Variants in PIGK observed in about 807,000 individuals in gnomAD.
The protein encoded by PIGK is GPI-anchor transamidase.
In PIGK, 42 loss-of-function variants were observed where a neutral mutation model predicts 50.6. The ratio of observed to expected loss-of-function variants is 0.83; its 90% CI spans 0.65 to 1.07. The LOEUF is 1.07. PIGK is among the 50% of genes least tolerant of loss of function. The probability of loss-of-function intolerance (pLI) is 0.00; values close to 1 mark genes in which losing one functional copy is unlikely to be tolerated. For synonymous variants in PIGK, 151 were observed against 156.0 expected (o/e 0.97, Z 0.24); for missense variants, 448 against 488.7 (o/e 0.92, Z 0.78).
chr1:77,176,926 TAAC>T (rs1557815011), intron 3 of PIGK, among the ~76,000 whole-genome samples: 1 of 152,206 alleles, frequency 6.6e-6, no homozygotes, highest in Non-Finnish European at 1.5e-5. Flanking sequence ...ATTGGTGTGG[TAAC>T]TTACAAATTG....
chr1:77,167,661 C>T (rs1477548588), intron 4 of PIGK, among the ~76,000 whole-genome samples: 1 of 152,044 alleles, frequency 6.6e-6, no homozygotes, highest in Non-Finnish European at 1.5e-5. Flanking sequence ...AGGAGGATCA[C>T]TTGAGCCCAG....
intron 3 of PIGK, among the ~76,000 whole-genome samples, chr1:77,188,216 A>G (rs1416211091): frequency 6.6e-6 from 1 of 152,216 alleles, no homozygotes; most frequent in Non-Finnish European, 1.5e-5. Context: ...GAACAGAGCC[A>G]TATTTCTCTT....
chr1:77,126,382 C>T (rs1014369409), intron 9 of PIGK, among the ~76,000 whole-genome samples: 26 of 151,012 alleles, frequency 1.7e-4, no homozygotes, highest in Non-Finnish European at 3.3e-4. Context: ...GGAGGGTGAA[C>T]GGAGGTAAGC....
chr1:77,168,511 A>G (rs1272586490), intron 4 of PIGK, among the ~76,000 whole-genome samples: 2 of 151,994 alleles, frequency 1.3e-5, no homozygotes, highest in African/African-American at 2.4e-5. Context: ...TACATATTTA[A>G]TTCAATGAGC....
chr1:77,114,145 T>G (rs959664860), intron 10 of PIGK, among the ~76,000 whole-genome samples: 11 of 152,156 alleles, frequency 7.2e-5, no homozygotes, highest in Non-Finnish European at 8.8e-5. Context: ...AAACAAAGCC[T>G]TTGTGAAAAA....
intron 5 of PIGK, 149 bp from the exon 6 acceptor site, chr1:77,164,091 T>C (rs1387642619): frequency 5.8e-6 from 3 of 516,270 alleles, no homozygotes; most frequent in Non-Finnish European, 1.0e-5. Flanking sequence ...AAATTGAATT[T>C]TCTACTATGC....
chr1:77,113,094 G>A (rs1653890016), intron 10 of PIGK, among the ~76,000 whole-genome samples: 1 of 151,956 alleles, frequency 6.6e-6, no homozygotes, highest in Non-Finnish European at 1.5e-5. Context: ...CAGTCATTAT[G>A]ATTCTATCAT....
chr1:77,181,738 T>A (rs75610127), intron 3 of PIGK, among the ~76,000 whole-genome samples: 5 of 152,108 alleles, frequency 3.3e-5, no homozygotes, highest in Non-Finnish European at 7.4e-5. Context: ...CACAAATTAT[T>A]AAGGATACTC....
Position 77,219,384 on chromosome 1 carries a change from G to C in PIGK, c.19C>G (p.Leu7Val), listed in dbSNP as rs1354232113. The C allele has an allele frequency of 6.2e-7, 1 of 1,613,662 alleles. No individual in the cohort carries two copies. The highest frequency in any genetic ancestry group is 8.5e-7 in the Non-Finnish European group (1 of 1,179,770). The change falls in exon 1 of 11, where the codon CTC becomes GTC. Residue 7 changes from leucine (L) to valine (V), a missense_variant. Transcript: ENST00000370812. The part of the protein sequence containing the change: MAVTDS[L>V]SRAATVLATV... ...GCCAAGACAGTCGCAGCCCGGCTGA[G>C]GCTGTCGGTGACGGCCATGTTTACC...
intron 3 of PIGK, among the ~76,000 whole-genome samples, chr1:77,202,951 TGG>T (rs1451041514): frequency 6.6e-6 from 1 of 152,170 alleles, no homozygotes; most frequent in African/African-American, 2.4e-5. Context: ...TAAACAGGAA[TGG>T]GAGCTATGAT....
At chr1:77,143,748 T>C (rs980815645) in intron 9 of PIGK, among the ~76,000 whole-genome samples, 1 of 152,112 alleles carries the variant, frequency 6.6e-6, no homozygotes, top group African/African-American at 2.4e-5. Context: ...CCAAATTCTG[T>C]ATAGTATTTC....
intron 10 of PIGK, among the ~76,000 whole-genome samples, chr1:77,121,702 T>C (rs552099429): frequency 3.3e-5 from 5 of 152,320 alleles, no homozygotes; most frequent in African/African-American, 9.6e-5. Flanking sequence ...AGAGGTTATA[T>C]GCTGTCAAAT....
At chr1:77,110,466 A>C (rs1653812037) in intron 10 of PIGK, among the ~76,000 whole-genome samples, 1 of 152,086 alleles carries the variant, frequency 6.6e-6, no homozygotes, top group Non-Finnish European at 1.5e-5. Flanking sequence ...CACATCTACA[A>C]CCATCTGATC....
At chr1:77,181,434 G>T (rs963807821) in intron 3 of PIGK, among the ~76,000 whole-genome samples, 1 of 151,980 alleles carries the variant, frequency 6.6e-6, no homozygotes, top group South Asian at 2.1e-4. Context: ...AAATTTTCAC[G>T]GAATGAAATT....
At chr1:77,144,443 G>A (rs1654722069) in intron 9 of PIGK, among the ~76,000 whole-genome samples, 1 of 151,762 alleles carries the variant, frequency 6.6e-6, no homozygotes, top group African/African-American at 2.4e-5. Flanking sequence ...AAAAGTTTAG[G>A]TGCTATGCAT....
intron 9 of PIGK, among the ~76,000 whole-genome samples, chr1:77,140,080 C>A (rs1004751612): frequency 6.6e-6 from 1 of 152,214 alleles, no homozygotes; most frequent in South Asian, 2.1e-4. Flanking sequence ...GCTCAAATAT[C>A]AGGTTGAACT....
At chr1:77,166,294 T>A (rs919656751) in intron 5 of PIGK, among the ~76,000 whole-genome samples, 2 of 152,072 alleles carry the variant, frequency 1.3e-5, no homozygotes, top group Admixed American at 1.3e-4. Context: ...TAAGTAAGAA[T>A]TCTAAAATAA....
intron 3 of PIGK, among the ~76,000 whole-genome samples, chr1:77,190,729 A>T (rs1315047811): frequency 6.6e-6 from 1 of 152,222 alleles, no homozygotes; most frequent in African/African-American, 2.4e-5. Context: ...ACAGTCTCCA[A>T]TTAATTCCCC....
At chr1:77,127,705 A>C (rs1272767750) in intron 9 of PIGK, among the ~76,000 whole-genome samples, 3 of 152,220 alleles carry the variant, frequency 2.0e-5, no homozygotes, top group African/African-American at 7.2e-5. Context: ...CATCATCTAG[A>C]GTAATCCAAA....
Sources: allele counts gnomAD v4.1 joint callset (sites outside exome capture counted in the v4.1 genomes callset), GRCh38; gene constraint gnomAD v4.1.1; transcripts MANE v1.5; gene names NCBI Gene and HGNC (gene_info 2026-07-23, HGNC 2026-07-21).